The following MCM8 variants were observed in gnomAD, a reference collection of about 807,000 sequenced individuals.
MCM8 encodes minichromosome maintenance 8 homologous recombination repair factor.
MCM8 carries 85 observed loss-of-function variants against 98.9 expected under a neutral mutation model. That is an observed-to-expected ratio of 0.86 (90% confidence interval 0.72 to 1.03). The LOEUF is 1.03. Among genes scored for constraint, MCM8 ranks in the 50% least tolerant of loss-of-function variants. The pLI, the probability that MCM8 is intolerant of heterozygous loss-of-function variation, is 0.00. For synonymous variants in MCM8, 352 were observed against 338.6 expected, an observed-to-expected ratio of 1.04 and a Z score of -0.44; for missense variants, 951 against 997.8, an observed-to-expected ratio of 0.95 and a Z score of 0.63.
intron 9 of MCM8, 57 bp downstream of exon 9, chr20:5,967,644 C>G (rs552167364): frequency 2.2e-4 from 335 of 1,542,812 alleles, no homozygotes; most frequent in Non-Finnish European, 2.7e-4. Flanking sequence ...CAACGTTCAT[C>G]TTTTCTAAGA....
rs117582013 is a variant in MCM8 at position 5,983,426 on chromosome 20, C to T, written c.1733+261C>T. 0.034 allele frequency among the ~76,000 whole-genome samples: 5,230 copies of T among 152,188 alleles called. 124 individuals carry two copies. Among genetic ancestry groups the T allele is most frequent in the Middle Eastern group, 0.1 (30 of 294 alleles). ...TGGAAATGGTTTCTCAGTGGCTGGG[C>T]GGGTGGCTTATGCCTGTAATCCCAG... On this transcript the variant is annotated intron_variant, in intron 14 of 18. Transcript: ENST00000610722.
At chr20:5,978,581 T>C (rs2089564107) in intron 13 of MCM8, among the ~76,000 whole-genome samples, 1 of 151,838 alleles carries the variant, frequency 6.6e-6, no homozygotes, top group Non-Finnish European at 1.5e-5. Flanking sequence ...TTTCTTTTTA[T>C]GAGACAGAGT....
intron 10 of MCM8, among the ~76,000 whole-genome samples, chr20:5,969,428 CTAAAAAT>C (rs2089352240): frequency 1.3e-5 from 2 of 152,054 alleles, no homozygotes; most frequent in Admixed American, 1.3e-4. Context: ...CCTGTCTCTA[CTAAAAAT>C]AGAAAAATTA....
intron 16 of MCM8, among the ~76,000 whole-genome samples, chr20:5,986,565 T>C (rs2089739186): frequency 6.6e-6 from 1 of 152,198 alleles, no homozygotes; most frequent in Admixed American, 6.5e-5. Flanking sequence ...CAGTTTGAAA[T>C]ACTAAGAGAA....
At chr20:5,989,675 C>T (rs1051417601) in intron 17 of MCM8, among the ~76,000 whole-genome samples, 9 of 151,982 alleles carry the variant, frequency 5.9e-5, no homozygotes, top group African/African-American at 2.2e-4. Flanking sequence ...TCTCTTTGTC[C>T]CCAGCCTGGT....
Position 5,958,612 on chromosome 20 carries a change from G to A in MCM8, c.675G>A (p.Val225=). ...YGKYIALRGT[V]VRVSNIKPLC... Reference sequence around the variant, plus strand: ...AATACATTGCTCTAAGAGGGACAGTGGTTCGTGTCAGTAATATAAAGCCTC... The same window carrying A: ...AATACATTGCTCTAAGAGGGACAGTAGTTCGTGTCAGTAATATAAAGCCTC... The change falls in exon 7 of 19, where the codon GTG becomes GTA. Residue 225 remains valine (V), a synonymous_variant. Transcript: ENST00000610722. 1.2e-6 allele frequency: 2 copies of A among 1,614,116 alleles called. No individual in the cohort carries two copies. Among genetic ancestry groups the A allele is most frequent in the Middle Eastern group, 1.6e-4 (1 of 6,062 alleles).
intron 9 of MCM8, 67 bp from the exon 10 acceptor site, chr20:5,967,763 T>C (rs2089307245): frequency 5.0e-6 from 7 of 1,411,578 alleles, no homozygotes; most frequent in African/African-American, 1.6e-5. Context: ...TTGTTTTATA[T>C]TCTAGTTGAG....
At chr20:5,987,190 T>C in intron 16 of MCM8, 92 bp from the exon 17 acceptor site, 1 of 1,269,954 alleles carries the variant, frequency 7.9e-7, no homozygotes. Flanking sequence ...AGGTCAGTTT[T>C]TGTGTAAAAC....
intron 12 of MCM8, among the ~76,000 whole-genome samples, chr20:5,974,884 T>C (rs1181315023): frequency 1.3e-5 from 2 of 152,332 alleles, no homozygotes; most frequent in East Asian, 1.9e-4. Context: ...TTTTAAAAAA[T>C]AAATTCTGTT....
intron 3 of MCM8, among the ~76,000 whole-genome samples, chr20:5,953,797 C>G (rs57932438): frequency 0.024 from 3,664 of 151,526 alleles, 133 homozygotes; most frequent in African/African-American, 0.077. Flanking sequence ...TTTAGGAAAA[C>G]TAGACGTTTG....
In MCM8 at chr20:5,986,075, T is replaced by C; in HGVS notation, c.2107T>C (p.Leu703=). The stretch of plus-strand genomic sequence containing the variant: ...TGAGCTCCGGAAACAGAGCCAGAGG[T>C]TAAATAGCTCACCAATCACTACCAG... The part of the protein sequence containing the change: ...YLELRKQSQR[L]NSSPITTRQL... The change falls in exon 16 of 19, where the codon TTA becomes CTA. Residue 703 remains leucine, a synonymous_variant. Coordinates refer to ENST00000610722, the MANE Select transcript of MCM8 (RefSeq NM_032485.6). The C allele has an allele frequency of 6.2e-7, 1 of 1,614,202 alleles. No individual in the cohort carries two copies. Among genetic ancestry groups the C allele is most frequent in the African/African-American group, 1.3e-5 (1 of 75,056 alleles).
intron 8 of MCM8, 58 bp from the exon 9 acceptor site, chr20:5,967,378 A>G (rs2122718335): frequency 2.0e-6 from 3 of 1,498,800 alleles, no homozygotes; most frequent in East Asian, 4.6e-5. Flanking sequence ...AATAGTTAAT[A>G]TCTTGCAGAA....
chr20:5,963,821 C>T (rs2089212336), intron 8 of MCM8, among the ~76,000 whole-genome samples: 1 of 152,186 alleles, frequency 6.6e-6, no homozygotes, highest in Non-Finnish European at 1.5e-5. Flanking sequence ...CAGGCGTGAG[C>T]CACCGCTCCT....
chr20:5,975,841 A>C (rs1401163060), intron 12 of MCM8, among the ~76,000 whole-genome samples: 1 of 151,764 alleles, frequency 6.6e-6, no homozygotes, highest in African/African-American at 2.4e-5. Flanking sequence ...GTTGTTCTAA[A>C]ATGTGTCCAG....
At position 5,958,658 on chromosome 20, in the gene MCM8, CT is replaced by C; in HGVS notation, c.724del (p.Cys242ValfsTer55). On this transcript the variant is annotated frameshift_variant, in exon 7 of 19. Transcript: ENST00000610722. LOFTEE classifies it high-confidence loss of function. The part of the protein sequence containing the change: ...IKPLCTKMAF[L>X]CAACGEIQSF... ...GCCTCTTTGCACCAAGATGGCTTTT[CT>C]TTGTGCTGCATGTGGAGAAATTCAG... 6.2e-7 allele frequency: 1 copy of C among 1,614,092 alleles called. No homozygotes were observed. The highest frequency in any genetic ancestry group is 8.5e-7 in the Non-Finnish European group (1 of 1,179,990).
At chr20:5,993,334 T>C (rs2089890015) in intron 17 of MCM8, among the ~76,000 whole-genome samples, 172 bp from the exon 18 acceptor site, 1 of 152,214 alleles carries the variant, frequency 6.6e-6, no homozygotes, top group Non-Finnish European at 1.5e-5. Flanking sequence ...TTATTCCTTA[T>C]CAATCCATCA....
At position 5,957,146 on chromosome 20, in the gene MCM8, A is replaced by G. The variant is rs1458037852; in HGVS notation, c.507A>G (p.Glu169=). The G allele has an allele frequency of 2.5e-6, 4 of 1,613,556 alleles. No homozygotes were observed. In the South Asian group the frequency reaches 3.3e-5, roughly 13 times the overall value. Reference sequence around the variant, plus strand: ...TTTAGGTGTTAACTAAGGACCTTGAAAGGCATGCAGCTGAGTTACAAGCCC... The same window carrying G: ...TTTAGGTGTTAACTAAGGACCTTGAGAGGCATGCAGCTGAGTTACAAGCCC... The part of the protein sequence containing the change: ...AIHQVLTKDL[E]RHAAELQAQE... Residue 169 remains glutamate (E), a synonymous_variant, in exon 6 of 19, where the codon GAA becomes GAG. Transcript: ENST00000610722.
At position 5,998,947 on chromosome 20, in the gene MCM8, A is replaced by G. The variant is rs956248492; in HGVS notation, c.*4556A>G. Reference sequence around the variant, plus strand: ...CCATGGAGTTACTTACCATGTGTATACATAACACTGATTAAAAATTTTAAA... The same window carrying G: ...CCATGGAGTTACTTACCATGTGTATGCATAACACTGATTAAAAATTTTAAA... On this transcript the variant is annotated 3_prime_UTR_variant, in exon 19 of 19. Transcript: ENST00000610722. 2.0e-5 allele frequency: 3 copies of G among 152,142 alleles called. No homozygotes were observed. The highest frequency in any genetic ancestry group is 4.4e-5 in the Non-Finnish European group (3 of 68,026). The allele number at this position is 152,142 out of a possible 1,614,324, so 9.4% of individuals were successfully genotyped here.
intron 3 of MCM8, among the ~76,000 whole-genome samples, chr20:5,953,468 T>TGTGC (rs2088887139): frequency 7.0e-6 from 1 of 142,282 alleles, no homozygotes; most frequent in Non-Finnish European, 1.6e-5. Flanking sequence ...TGTGTGTGTG[T>TGTGC]GTGCATACTT....
Sources: allele counts gnomAD v4.1 joint callset (sites outside exome capture counted in the v4.1 genomes callset), GRCh38; gene constraint gnomAD v4.1.1; transcripts MANE v1.5; gene names NCBI Gene and HGNC (gene_info 2026-07-23, HGNC 2026-07-21).